ANAPC4: variants seen among roughly 807,000 people sequenced by gnomAD.
ANAPC4 encodes anaphase-promoting complex subunit 4.
A neutral mutation model predicts 119.8 loss-of-function variants in ANAPC4; 63 were observed. The ratio of observed to expected loss-of-function variants is 0.53; its 90% CI spans 0.43 to 0.65. ANAPC4 has a LOEUF of 0.65. Ranked by LOEUF, ANAPC4 falls within the 30% of genes least tolerant of loss-of-function variation. The pLI, the probability that ANAPC4 is intolerant of heterozygous loss-of-function variation, is 0.00. For synonymous variants in ANAPC4, 283 were observed against 318.6 expected (o/e 0.89, Z 1.19); for missense variants, 716 against 945.1 (o/e 0.76, Z 3.18).
In ANAPC4 at chr4:25,396,660, A is replaced by G. The variant is rs954017554; in HGVS notation, c.1062-4A>G. 3.1e-6 allele frequency: 5 copies of G among 1,595,640 alleles called. No homozygotes were observed. Among genetic ancestry groups the G allele is most frequent in the Non-Finnish European group, 4.3e-6 (5 of 1,171,802 alleles). ...ACTAATTTATTTCTGCTCTGTTTGG[A>G]TAGTGGCTCGGAGTCTTTATTATAC... On this transcript the variant is annotated splice_polypyrimidine_tract_variant and splice_region_variant and intron_variant, in intron 14 of 28. Transcript: ENST00000315368.
At chr4:25,409,675 A>C in intron 20 of ANAPC4, 23 bp from the exon 21 acceptor site, 1 of 1,553,140 alleles carries the variant, frequency 6.4e-7, no homozygotes, top group Non-Finnish European at 8.8e-7. Context: ...AATAAACTTA[A>C]ATTTCTAATT....
chr4:25,386,826 T>A (rs961458344), intron 4 of ANAPC4, among the ~76,000 whole-genome samples: 1 of 152,192 alleles, frequency 6.6e-6, no homozygotes, highest in Non-Finnish European at 1.5e-5. Flanking sequence ...CTGTATTTTC[T>A]TGTTGAAGCA....
In ANAPC4 at chr4:25,407,261, C is replaced by T; in HGVS notation, c.1431+8C>T. ...GTTGAAAGAGTTGGTCAGGTATGGG[C>T]TTTGAACTCATTTTAAAACCTTAGC... On this transcript the variant is annotated splice_region_variant and intron_variant, in intron 20 of 28. Coordinates refer to ENST00000315368, the MANE Select transcript of ANAPC4 (RefSeq NM_013367.3). 1 of 1,599,640 alleles carries T rather than the reference C, an allele frequency of 6.3e-7. No individual in the cohort carries two copies.
At chr4:25,386,801 T>C (rs74919012) in intron 4 of ANAPC4, among the ~76,000 whole-genome samples, 1 of 152,078 alleles carries the variant, frequency 6.6e-6, no homozygotes, top group African/African-American at 2.4e-5. Flanking sequence ...GGAAGCACAA[T>C]TGAAGGAGAT....
At chr4:25,408,616 C>T (rs532072790) in intron 20 of ANAPC4, among the ~76,000 whole-genome samples, 47 of 151,862 alleles carry the variant, frequency 3.1e-4, no homozygotes, top group Non-Finnish European at 5.7e-4. Flanking sequence ...CTCCACCTCT[C>T]GGACTCGCCT....
chr4:25,407,179 A>G lies in ANAPC4; in HGVS notation c.1375-18A>G, dbSNP rs372564162. The stretch of plus-strand genomic sequence containing the variant: ...CGTGAGTTGACTTAAGAATTAAACT[A>G]TGTTTATTTTTTTCCAGGCTCCAGA... On this transcript the variant is annotated intron_variant, in intron 19 of 28. Coordinates refer to ENST00000315368, the MANE Select transcript of ANAPC4 (RefSeq NM_013367.3). 6.3e-7 allele frequency: 1 copy of G among 1,579,606 alleles called. No individual in the cohort carries two copies. The highest frequency in any genetic ancestry group is 1.4e-5 in the African/African-American group (1 of 73,262).
rs1355636682 is a variant in ANAPC4, at chr4:25,407,232, T to C, written c.1410T>C (p.Phe470=). 4.4e-6 allele frequency: 7 copies of C among 1,608,572 alleles called. No individual in the cohort carries two copies. Among genetic ancestry groups the C allele is most frequent in the African/African-American group, 1.3e-5 (1 of 74,472 alleles). ...PDLYNRKGKY[F]NVERVGQYLK... is the part of the protein sequence containing the mutation. ...TTTATAATCGAAAAGGAAAATACTT[T>C]AACGTTGAAAGAGTTGGTCAGGTAT... The change falls in exon 20 of 29, where the codon TTT becomes TTC. Residue 470 remains phenylalanine, a synonymous_variant. Transcript: ENST00000315368.
intron 21 of ANAPC4, among the ~76,000 whole-genome samples, chr4:25,411,493 A>C (rs1008150393): frequency 6.6e-6 from 1 of 152,190 alleles, no homozygotes; most frequent in African/African-American, 2.4e-5. Flanking sequence ...TGCAAAAATC[A>C]AGTGCTAAAT....
In ANAPC4 at chr4:25,394,635, G is replaced by C. The variant is rs762398613; in HGVS notation, c.942-36G>C. The C allele has an allele frequency of 2.6e-6, 4 of 1,562,356 alleles. No homozygotes were observed. In the African/African-American group the frequency reaches 5.5e-5, roughly 22 times the overall value. On this transcript the variant is annotated intron_variant, in intron 12 of 28. Coordinates refer to ENST00000315368, the MANE Select transcript of ANAPC4 (RefSeq NM_013367.3). ...AAGTGATGCATTCAGATTTCCAATA[G>C]AGAAGTGACTAAAAATACTTTGTTT...
intron 15 of ANAPC4, 37 bp downstream of exon 15, chr4:25,396,801 C>G (rs1055293706): frequency 1.1e-5 from 17 of 1,608,016 alleles, no homozygotes; most frequent in Non-Finnish European, 1.4e-5. Flanking sequence ...ACATTAAACA[C>G]AGTTTACTTA....
At chr4:25,416,178 C>A in intron 26 of ANAPC4, 1 of 296,068 alleles carries the variant, frequency 3.4e-6, no homozygotes, top group Non-Finnish European at 6.2e-6. Context: ...CTTTCTAGAA[C>A]TGAAACAACT....
chr4:25,399,492 A>G (rs2109129289), intron 16 of ANAPC4, among the ~76,000 whole-genome samples: 1 of 151,750 alleles, frequency 6.6e-6, no homozygotes, highest in South Asian at 2.1e-4. Context: ...GGGTTATCTG[A>G]TTTTTTTTAA....
intron 20 of ANAPC4, among the ~76,000 whole-genome samples, chr4:25,407,880 G>C (rs1021284955): frequency 6.6e-6 from 1 of 151,804 alleles, no homozygotes; most frequent in Non-Finnish European, 1.5e-5. Flanking sequence ...GGGTGACAGA[G>C]GGAGACTCAG....
intron 3 of ANAPC4, among the ~76,000 whole-genome samples, chr4:25,382,963 G>A (rs1461107359): frequency 6.6e-6 from 1 of 152,156 alleles, no homozygotes; most frequent in African/African-American, 2.4e-5. Context: ...TGTATTTTCT[G>A]CTTGACAACA....
chr4:25,396,559 G>T, intron 14 of ANAPC4, 105 bp from the exon 15 acceptor site: 2 of 849,122 alleles, frequency 2.4e-6, no homozygotes. Flanking sequence ...GAAACAAAAT[G>T]AAAGTTACTT....
At chr4:25,393,009 T>C (rs1223374105) in intron 10 of ANAPC4, among the ~76,000 whole-genome samples, 1 of 152,224 alleles carries the variant, frequency 6.6e-6, no homozygotes, top group Non-Finnish European at 1.5e-5. Context: ...AACAGTGTTA[T>C]TTCTGCTGCA....
rs1723749302 is a variant in ANAPC4, at chr4:25,414,448, T to G, written c.1686-18T>G. The G allele has an allele frequency of 1.2e-6, 2 of 1,600,226 alleles. No homozygotes were observed. The highest frequency in any genetic ancestry group is 8.5e-7 in the Non-Finnish European group (1 of 1,170,950). ...GCCAATTTAAATTTTTCTCATTTCT[T>G]TTTCCCTTTTATTTTAGTGAGGATT... On this transcript the variant is annotated intron_variant, in intron 23 of 28. Transcript: ENST00000315368.
intron 21 of ANAPC4, among the ~76,000 whole-genome samples, chr4:25,410,356 A>T (rs2109141487): frequency 6.6e-6 from 1 of 152,340 alleles, no homozygotes; most frequent in Non-Finnish European, 1.5e-5. Flanking sequence ...TATTTCTTTG[A>T]TGTCTGAAAG....
At chr4:25,382,475 CA>C (rs1215727349) in intron 3 of ANAPC4, among the ~76,000 whole-genome samples, 1 of 152,134 alleles carries the variant, frequency 6.6e-6, no homozygotes. Flanking sequence ...CTAAATCATT[CA>C]AAAACATGGA....
Sources: allele counts gnomAD v4.1 joint callset (sites outside exome capture counted in the v4.1 genomes callset), GRCh38; gene constraint gnomAD v4.1.1; transcripts MANE v1.5; gene names NCBI Gene and HGNC (gene_info 2026-07-23, HGNC 2026-07-21).